Variants in UNC5B observed in about 807,000 individuals in gnomAD.
The protein encoded by UNC5B is netrin receptor UNC5B.
In UNC5B, 56 loss-of-function variants were observed where a neutral mutation model predicts 103.7. The ratio of observed to expected loss-of-function variants is 0.54; its 90% CI spans 0.44 to 0.67. The LOEUF is 0.67. Among genes scored for constraint, UNC5B ranks in the 30% least tolerant of loss-of-function variants. The pLI is 0.00. For missense variants in UNC5B, 1,194 were observed against 1,284.5 expected (o/e 0.93, Z 1.08); for synonymous variants, 577 against 542.0 (o/e 1.06, Z -0.90).
At chr10:71,276,765 A>G (rs1372925118) in intron 1 of UNC5B, among the ~76,000 whole-genome samples, 1 of 152,154 alleles carries the variant, frequency 6.6e-6, no homozygotes, top group Non-Finnish European at 1.5e-5. Flanking sequence ...TTCACTGTGC[A>G]CCTGCTGTGT....
chr10:71,215,969 TAAAGTG>T lies in UNC5B; in HGVS notation c.79+2911_79+2916del, dbSNP rs201132696. On this transcript the variant is annotated intron_variant, in intron 1 of 16. Coordinates refer to ENST00000335350, the MANE Select transcript of UNC5B (RefSeq NM_170744.5). ...CAAGTGTCTTAATGGGTTTTCTCATTAAAGTGAAAGTACCACTGCAGGGGAGGAATT... is the reference window on the plus strand; with the variant it reads ...CAAGTGTCTTAATGGGTTTTCTCATTAAAGTACCACTGCAGGGGAGGAATT... Among the ~76,000 whole-genome samples, 1,439 of 152,252 alleles carry T rather than the reference TAAAGTG, an allele frequency of 9.5e-3. 17 individuals are homozygous for T. The highest frequency in any genetic ancestry group is 0.013 in the Non-Finnish European group (903 of 68,004).
At chr10:71,239,708 A>C (rs1487771318) in intron 1 of UNC5B, among the ~76,000 whole-genome samples, 1 of 151,892 alleles carries the variant, frequency 6.6e-6, no homozygotes, top group East Asian at 1.9e-4. Context: ...GTGGGCACAC[A>C]CCCCTGCTGG....
intron 1 of UNC5B, among the ~76,000 whole-genome samples, chr10:71,264,328 C>T (rs115058874): frequency 1.2e-4 from 18 of 152,226 alleles, no homozygotes; most frequent in African/African-American, 4.3e-4. Flanking sequence ...TTTAACATGC[C>T]CAGCACTCCT....
intron 4 of UNC5B, among the ~76,000 whole-genome samples, 168 bp downstream of exon 4, chr10:71,285,597 A>G (rs543613162): frequency 1.3e-5 from 2 of 152,334 alleles, no homozygotes; most frequent in East Asian, 1.9e-4. Context: ...ACCTCTGTCG[A>G]ACGCAGCAAT....
chr10:71,255,862 G>A (rs1844278511), intron 1 of UNC5B, among the ~76,000 whole-genome samples: 2 of 152,174 alleles, frequency 1.3e-5, no homozygotes, highest in Admixed American at 6.5e-5. Context: ...AACAACAAAA[G>A]GCAAGAGCAT....
In UNC5B at chr10:71,290,592, A is replaced by T. The variant is rs1218853473; in HGVS notation, c.1100-323A>T. Among the ~76,000 whole-genome samples the T allele has an allele frequency of 2.6e-5, 4 of 152,238 alleles. No individual in the cohort carries two copies. The East Asian group carries it at 7.7e-4, about 29-fold the overall frequency. ...AGCCCCAGCACTCACAGGGCAAATT[A>T]TGTAGCCCCAGTGACTCTGAGCCAC... On this transcript the variant is annotated intron_variant, in intron 8 of 16. Transcript: ENST00000335350.
At chr10:71,261,338 G>A (rs1023034923) in intron 1 of UNC5B, among the ~76,000 whole-genome samples, 3 of 152,174 alleles carry the variant, frequency 2.0e-5, no homozygotes, top group South Asian at 4.1e-4. Flanking sequence ...CAATTTATTA[G>A]TGATGCTTGC....
chr10:71,288,091 T>C (rs1845140127), intron 6 of UNC5B, among the ~76,000 whole-genome samples: 2 of 152,198 alleles, frequency 1.3e-5, no homozygotes, highest in Admixed American at 6.5e-5. Flanking sequence ...CTCCCCGGCC[T>C]CAGGGACAGC....
chr10:71,288,504 CACACATAACTA>C, intron 6 of UNC5B, 53 bp from the exon 7 acceptor site: 12 of 1,567,376 alleles, frequency 7.7e-6, no homozygotes, highest in Non-Finnish European at 9.5e-6. Context: ...CTCTGTTCTG[CACACATAACTA>C]TGTGTGCACA....
chr10:71,281,624 G>C (rs1337914042), intron 2 of UNC5B, among the ~76,000 whole-genome samples: 4 of 152,230 alleles, frequency 2.6e-5, no homozygotes, highest in Non-Finnish European at 5.9e-5. Context: ...ACAGGCGTGA[G>C]CCACCACACC....
At chr10:71,231,316 C>T (rs1376770535) in intron 1 of UNC5B, among the ~76,000 whole-genome samples, 2 of 152,186 alleles carry the variant, frequency 1.3e-5, no homozygotes, top group African/African-American at 4.8e-5. Context: ...CGTCATTTCA[C>T]ACATCAGCAA....
intron 1 of UNC5B, among the ~76,000 whole-genome samples, chr10:71,278,234 C>T (rs1416301559): frequency 1.3e-5 from 2 of 152,182 alleles, no homozygotes; most frequent in African/African-American, 2.4e-5. Context: ...CTTAGTTGTT[C>T]GTTCGATGCA....
intron 1 of UNC5B, among the ~76,000 whole-genome samples, chr10:71,226,535 C>A (rs1364860208): frequency 4.6e-5 from 7 of 152,250 alleles, no homozygotes. Flanking sequence ...CCGGTTTCCT[C>A]ATCAGTGAAG....
intron 1 of UNC5B, among the ~76,000 whole-genome samples, chr10:71,259,063 T>A (rs976455655): frequency 5.3e-5 from 8 of 151,798 alleles, no homozygotes; most frequent in African/African-American, 1.9e-4. Context: ...ATGGGCAGGG[T>A]GGAGGGAGGT....
At chr10:71,268,896 T>C (rs185182751) in intron 1 of UNC5B, among the ~76,000 whole-genome samples, 1 of 152,278 alleles carries the variant, frequency 6.6e-6, no homozygotes, top group Non-Finnish European at 1.5e-5. Flanking sequence ...ACAGCCAACT[T>C]GACAGCATTG....
chr10:71,242,466 G>A (rs1843927263), intron 1 of UNC5B, among the ~76,000 whole-genome samples: 1 of 152,158 alleles, frequency 6.6e-6, no homozygotes, highest in Non-Finnish European at 1.5e-5. Context: ...CTTCATCTGG[G>A]CCCTGCACCA....
intron 4 of UNC5B, 91 bp downstream of exon 4, chr10:71,285,520 C>A: frequency 8.6e-7 from 1 of 1,158,718 alleles, no homozygotes; most frequent in Non-Finnish European, 1.2e-6. Context: ...AGCCATGGTG[C>A]TAGTCTCCCA....
intron 1 of UNC5B, among the ~76,000 whole-genome samples, chr10:71,246,296 C>T (rs752398021): frequency 3.3e-5 from 5 of 152,154 alleles, no homozygotes; most frequent in African/African-American, 4.8e-5. Flanking sequence ...CCCAGAAAGG[C>T]GGAGGACCCC....
chr10:71,292,155 C>T (rs1845281766), intron 10 of UNC5B, among the ~76,000 whole-genome samples: 1 of 152,170 alleles, frequency 6.6e-6, no homozygotes, highest in Admixed American at 6.5e-5. Context: ...ACAGGGGCGC[C>T]TGTTTTAGTT....
Sources: gnomAD v4.1 joint callset for allele counts (sites outside exome capture counted in the v4.1 genomes callset) on GRCh38, gnomAD v4.1.1 for gene constraint, MANE v1.5 for transcripts, NCBI Gene and HGNC (gene_info 2026-07-23, HGNC 2026-07-21) for gene names.